The following ZNF263 variants were observed in gnomAD, a reference collection of about 807,000 sequenced individuals.
ZNF263 encodes zinc finger protein 263.
In ZNF263, 49 loss-of-function variants were observed where a neutral mutation model predicts 63.1. The ratio of observed to expected loss-of-function variants is 0.78; its 90% CI spans 0.62 to 0.99. The LOEUF (loss-of-function observed/expected upper bound fraction) is 0.99. Among genes scored for constraint, ZNF263 ranks in the 50% least tolerant of loss-of-function variants. The pLI is 0.00. For synonymous variants in ZNF263, 352 were observed against 324.2 expected, an observed-to-expected ratio of 1.09 and a Z score of -0.92; for missense variants, 872 against 854.8, an observed-to-expected ratio of 1.02 and a Z score of -0.25.
chr16:3,285,822 C>T, intron 3 of ZNF263, 68 bp downstream of exon 3: 2 of 1,580,906 alleles, frequency 1.3e-6, no homozygotes, highest in Non-Finnish European at 1.7e-6. Flanking sequence ...GGTGGGGGTT[C>T]TCCATGTGGA....
chr16:3,296,546 A>T (rs1465452199), intron 1 of ZNF263, among the ~76,000 whole-genome samples: 1 of 152,246 alleles, frequency 6.6e-6, no homozygotes, highest in African/African-American at 2.4e-5. Context: ...AAGCTGCTTG[A>T]TGTTAAAGGT....
At chr16:3,295,534 C>G (rs962362677), downstream of ZNF263, among the ~76,000 whole-genome samples, 3 of 116,862 alleles carry the variant, frequency 2.6e-5, no homozygotes, top group African/African-American at 8.0e-5. Context: ...CGTCGGCCCT[C>G]GCGGTCTAGC....
Position 3,299,985 on chromosome 16 carries a change from C to G in ZNF263, c.*46+829C>G. The G allele has an allele frequency of 1.2e-6, 2 of 1,614,094 alleles. No homozygotes were observed. Among genetic ancestry groups the G allele is most frequent in the Non-Finnish European group, 1.7e-6 (2 of 1,180,020 alleles). On this transcript the variant is annotated intron_variant, in intron 2 of 2. Transcript: ENST00000574674. The stretch of plus-strand genomic sequence containing the variant: ...CTGCATTTGCACATAAAAAGGCAGA[C>G]AACCTTTCTTTGTTTATTTTCTTCC...
In ZNF263 at chr16:3,290,619, A is replaced by C; in HGVS notation, c.*61A>C. On this transcript the variant is annotated 3_prime_UTR_variant, in exon 6 of 6. Coordinates refer to ENST00000219069, the MANE Select transcript of ZNF263 (RefSeq NM_005741.5). ...GCATATTCAGAGGAGCCTGTTGGCA[A>C]GAGCTGGTATTCCCTGCCCAGCCGA... The C allele has an allele frequency of 6.5e-7, 1 of 1,528,172 alleles. No homozygotes were observed. Among genetic ancestry groups the C allele is most frequent in the Non-Finnish European group, 8.7e-7 (1 of 1,144,664 alleles). The allele number at this position is 1,528,172 out of a possible 1,614,324, so 94.7% of individuals were successfully genotyped here.
chr16:3,288,049 C>T (rs1431445223), intron 4 of ZNF263, among the ~76,000 whole-genome samples: 1 of 151,528 alleles, frequency 6.6e-6, no homozygotes, highest in Non-Finnish European at 1.5e-5. Context: ...GTCAGGAGTT[C>T]GAGACCAGCC....
At chr16:3,297,576 T>C (rs1959793484) in intron 1 of ZNF263, among the ~76,000 whole-genome samples, 1 of 147,838 alleles carries the variant, frequency 6.8e-6, no homozygotes, top group Non-Finnish European at 1.5e-5. Context: ...GCCATTTTCC[T>C]GTCTCAGCCT....
chr16:3,296,769 CAACA>C (rs1204438989), intron 1 of ZNF263, among the ~76,000 whole-genome samples: 1 of 147,920 alleles, frequency 6.8e-6, no homozygotes, highest in Non-Finnish European at 1.5e-5. Context: ...CTTACAGCAA[CAACA>C]AACCTACCTA....
exon 3 of ZNF263, chr16:3,301,373 C>T (rs1038358348): frequency 1.2e-5 from 2 of 167,076 alleles, no homozygotes; most frequent in Admixed American, 6.5e-5. Context: ...ACTTTTATTG[C>T]ATTCAATATA....
chr16:3,284,628 C>G (rs1351148220), intron 1 of ZNF263, among the ~76,000 whole-genome samples: 1 of 152,178 alleles, frequency 6.6e-6, no homozygotes, highest in African/African-American at 2.4e-5. Flanking sequence ...GTGCTTAGTA[C>G]TTGTTACCTG....
downstream of ZNF263, among the ~76,000 whole-genome samples, chr16:3,295,851 A>T (rs1959731606): frequency 6.6e-6 from 1 of 152,168 alleles, no homozygotes; most frequent in African/African-American, 2.4e-5. Context: ...CAGGAGGTGG[A>T]GCGGTCAAGA....
chr16:3,299,587 C>A, intron 2 of ZNF263: 2 of 1,550,214 alleles, frequency 1.3e-6, no homozygotes, highest in Non-Finnish European at 1.7e-6. Context: ...TTGCTTCCAT[C>A]TATACAGCCG....
At chr16:3,296,210 T>C (rs1959739671), downstream of ZNF263, among the ~76,000 whole-genome samples, 1 of 152,232 alleles carries the variant, frequency 6.6e-6, no homozygotes, top group Non-Finnish European at 1.5e-5. Flanking sequence ...CAACATGCTA[T>C]TGTCTAGTAC....
At chr16:3,288,268 T>C (rs1204319529) in intron 4 of ZNF263, among the ~76,000 whole-genome samples, 186 bp from the exon 5 acceptor site, 1 of 149,702 alleles carries the variant, frequency 6.7e-6, no homozygotes, top group Admixed American at 6.6e-5. Context: ...AAAAAAAAAG[T>C]CTCCCTCCCC....
rs74003348 is a variant in ZNF263 at position 3,285,833 on chromosome 16, A to G, written c.642+79A>G. The G allele has an allele frequency of 9.0e-3, 14,071 of 1,566,252 alleles. 1,059 individuals are homozygous for G. In the African/African-American group the frequency reaches 0.16, roughly 18 times the overall value. On this transcript the variant is annotated intron_variant, in intron 3 of 5. Coordinates refer to ENST00000219069, the MANE Select transcript of ZNF263 (RefSeq NM_005741.5). ...TGGGGGTGGGGGTTCTCCATGTGGA[A>G]GGTCCTTTGTCCCTTACCACAGCGT... is the stretch of plus-strand genomic sequence containing the variant.
chr16:3,287,100 A>T (rs1959388773), intron 4 of ZNF263, among the ~76,000 whole-genome samples: 1 of 152,196 alleles, frequency 6.6e-6, no homozygotes, highest in Non-Finnish European at 1.5e-5. Context: ...GACACACCGC[A>T]CATTGTTTCC....
intron 3 of ZNF263, 98 bp from the exon 4 acceptor site, chr16:3,285,923 CAT>C: frequency 6.3e-7 from 1 of 1,595,002 alleles, no homozygotes; most frequent in African/African-American, 1.3e-5. Context: ...TCCCCCCTGA[CAT>C]GTGCTTGGCA....
intron 5 of ZNF263, 66 bp from the exon 6 acceptor site, chr16:3,289,327 C>G: frequency 1.4e-6 from 2 of 1,475,232 alleles, no homozygotes; most frequent in Non-Finnish European, 1.8e-6. Context: ...CAGCGGCAGA[C>G]AGGTGGGATT....
downstream of ZNF263, among the ~76,000 whole-genome samples, chr16:3,295,660 C>G (rs1959724823): frequency 6.6e-6 from 1 of 152,238 alleles, no homozygotes; most frequent in African/African-American, 2.4e-5. Flanking sequence ...GTGTCTGAAG[C>G]CCGAGGCTCC....
Position 3,290,006 on chromosome 16 carries a change from T to C in ZNF263, c.1500T>C (p.Ala500=). The C allele has an allele frequency of 6.2e-7, 1 of 1,614,124 alleles. No homozygotes were observed. Among genetic ancestry groups the C allele is most frequent in the Non-Finnish European group, 8.5e-7 (1 of 1,180,038 alleles). ...GCCCTGAGTGTGGGGAGATCTTTGC[T>C]CACAGTTCCAACCTCCTTCGGCACC... ...YKCPECGEIF[A]HSSNLLRHQR... is the part of the protein sequence containing the mutation. The change falls in exon 6 of 6, where the codon GCT becomes GCC. Residue 500 remains alanine (A), a synonymous_variant. Transcript: ENST00000219069.
Sources: allele counts gnomAD v4.1 joint callset (sites outside exome capture counted in the v4.1 genomes callset), GRCh38; gene constraint gnomAD v4.1.1; transcripts MANE v1.5; gene names NCBI Gene and HGNC (gene_info 2026-07-23, HGNC 2026-07-21).